CWF19L1: variants seen among roughly 807,000 people sequenced by gnomAD.
The protein encoded by CWF19L1 is CWF19 like cell cycle control factor 1.
Under a neutral mutation model 69.7 loss-of-function variants are expected in CWF19L1, and 60 were observed. That is an observed-to-expected ratio of 0.86 (90% CI 0.70 to 1.07). The LOEUF is 1.07. Ranked by LOEUF, CWF19L1 falls within the 50% of genes least tolerant of loss-of-function variation. The pLI is 0.00. For synonymous variants in CWF19L1, 209 were observed against 222.2 expected, an observed-to-expected ratio of 0.94 and a Z score of 0.53; for missense variants, 591 against 638.9, an observed-to-expected ratio of 0.92 and a Z score of 0.81.
intron 1 of CWF19L1, 98 bp downstream of exon 1, chr10:100,267,473 C>T (rs1022248845): frequency 6.2e-6 from 10 of 1,609,532 alleles, no homozygotes; most frequent in Non-Finnish European, 6.8e-6. Context: ...CCGCCTTTTC[C>T]TTCTCCCTTC....
intron 6 of CWF19L1, among the ~76,000 whole-genome samples, chr10:100,251,920 A>G (rs1338272634): frequency 6.6e-6 from 1 of 152,224 alleles, no homozygotes; most frequent in Non-Finnish European, 1.5e-5. Context: ...GTATATTTTT[A>G]GAGAACAAGA....
intron 2 of CWF19L1, among the ~76,000 whole-genome samples, chr10:100,261,653 A>C (rs1048899452): frequency 2.0e-5 from 3 of 152,210 alleles, no homozygotes; most frequent in African/African-American, 7.2e-5. Context: ...ACCTGACTTA[A>C]TCCTCATCAC....
chr10:100,240,937 G>T (rs1425377411), intron 10 of CWF19L1, among the ~76,000 whole-genome samples: 1 of 148,090 alleles, frequency 6.8e-6, no homozygotes, highest in Non-Finnish European at 1.5e-5. Flanking sequence ...TGGCTCAGTT[G>T]TGTCACCGGC....
intron 11 of CWF19L1, 113 bp downstream of exon 11, chr10:100,237,909 A>G: frequency 9.9e-7 from 1 of 1,011,112 alleles, no homozygotes; most frequent in Non-Finnish European, 1.5e-6. Context: ...TCGGCCTCCC[A>G]AAGTGCTAGG....
At chr10:100,250,151 A>G in intron 7 of CWF19L1, 97 bp downstream of exon 7, 3 of 852,878 alleles carry the variant, frequency 3.5e-6, no homozygotes, top group Admixed American at 1.8e-5. Flanking sequence ...CCTTGCAGTC[A>G]GGGAGAAGAG....
intron 4 of CWF19L1, among the ~76,000 whole-genome samples, chr10:100,256,691 G>A (rs1847224696): frequency 6.6e-6 from 1 of 152,166 alleles, no homozygotes; most frequent in South Asian, 2.1e-4. Context: ...CCTACGTGGA[G>A]GCTGCTGGAG....
rs368706723 is a variant in CWF19L1 at position 100,232,928 on chromosome 10, G to C, written c.*299C>G. ...AAGAAGCCAAGGCAGAGGATCCCTT[G>C]AGCCTAGGCATTACAGACCAGCCTG... On this transcript the variant is annotated 3_prime_UTR_variant, in exon 14 of 14. Coordinates refer to ENST00000354105, the MANE Select transcript of CWF19L1 (RefSeq NM_018294.6). 1 of 185,162 alleles carries C rather than the reference G, an allele frequency of 5.4e-6. No homozygotes were observed. Among genetic ancestry groups the C allele is most frequent in the Non-Finnish European group, 1.1e-5 (1 of 89,602 alleles). 11.5% of individuals were successfully genotyped at this position (185,162 alleles called of 1,614,324 possible).
At chr10:100,234,535 G>A (rs908092008) in intron 13 of CWF19L1, among the ~76,000 whole-genome samples, 11 of 152,130 alleles carry the variant, frequency 7.2e-5, no homozygotes, top group African/African-American at 2.7e-4. Flanking sequence ...TCTGAATCTC[G>A]TAGCACACTT....
chr10:100,236,806 A>G, intron 12 of CWF19L1, 44 bp downstream of exon 12: 1 of 1,538,786 alleles, frequency 6.5e-7, no homozygotes, highest in Non-Finnish European at 8.7e-7. Flanking sequence ...AACAAAAAAA[A>G]CAGATATTTA....
In CWF19L1 at chr10:100,233,239, A is replaced by G. The variant is rs549932691; in HGVS notation, c.1605T>C (p.Thr535=). Residue 535 remains threonine, a synonymous_variant, in exon 14 of 14, where the codon ACT becomes ACC. Transcript: ENST00000354105. The part of the protein sequence containing the change: ...FRKDFEPYDF[T]LDD ...TCTTCCCTTTGTTTTAGTCATCCAG[A>G]GTAAAGTCATAGGGCTCAAAGTCTT... 2 of 1,612,348 alleles carry G rather than the reference A, an allele frequency of 1.2e-6. No homozygotes were observed. The highest frequency in any genetic ancestry group is 2.7e-5 in the African/African-American group (2 of 74,854).
intron 4 of CWF19L1, among the ~76,000 whole-genome samples, chr10:100,259,069 TGC>T (rs1280315270): frequency 6.6e-6 from 1 of 151,456 alleles, no homozygotes; most frequent in Non-Finnish European, 1.5e-5. Flanking sequence ...GGTATGGTAG[TGC>T]GTGCCTGTAA....
intron 10 of CWF19L1, among the ~76,000 whole-genome samples, chr10:100,238,888 C>T (rs910241352): frequency 8.8e-5 from 13 of 148,392 alleles, no homozygotes; most frequent in Admixed American, 1.4e-4. Flanking sequence ...GCCGAGATCG[C>T]GCCACTACAC....
intron 6 of CWF19L1, among the ~76,000 whole-genome samples, chr10:100,251,199 G>A (rs1847017010): frequency 6.6e-6 from 1 of 152,130 alleles, no homozygotes; most frequent in Non-Finnish European, 1.5e-5. Flanking sequence ...ACAAGTTTTT[G>A]TGTGGACATA....
intron 4 of CWF19L1, among the ~76,000 whole-genome samples, chr10:100,256,871 G>A (rs1847229934): frequency 6.6e-6 from 1 of 152,172 alleles, no homozygotes; most frequent in Admixed American, 6.6e-5. Flanking sequence ...ACAGTTCTAA[G>A]GAAGCTACAG....
chr10:100,265,873 G>A (rs1416848843), intron 1 of CWF19L1, among the ~76,000 whole-genome samples: 1 of 152,042 alleles, frequency 6.6e-6, no homozygotes, highest in African/African-American at 2.4e-5. Flanking sequence ...GCTTACCATT[G>A]TGTTACAATT....
intron 4 of CWF19L1, among the ~76,000 whole-genome samples, chr10:100,258,939 A>C (rs1299837820): frequency 6.6e-6 from 1 of 151,382 alleles, no homozygotes; most frequent in Non-Finnish European, 1.5e-5. Context: ...ACAGTGGCTC[A>C]CACCTGTAAT....
chr10:100,245,040 T>G (rs1447952502), intron 9 of CWF19L1, among the ~76,000 whole-genome samples: 1 of 144,556 alleles, frequency 6.9e-6, no homozygotes, highest in Admixed American at 6.9e-5. Context: ...TTTTTTTTTT[T>G]GAGATGGAGT....
At position 100,261,998 on chromosome 10, in the gene CWF19L1, TTCTGAATTGCTTGAAC is replaced by T. The variant is rs747106609; in HGVS notation, c.73_88del (p.Val25ArgfsTer12). 6.2e-7 allele frequency: 1 copy of T among 1,604,618 alleles called. No individual in the cohort carries two copies. The highest frequency in any genetic ancestry group is 2.2e-5 in the East Asian group (1 of 44,688). On this transcript the variant is annotated frameshift_variant, in exon 2 of 14. Coordinates refer to ENST00000354105, the MANE Select transcript of CWF19L1 (RefSeq NM_018294.6). LOFTEE classifies it high-confidence loss of function. ...TCTTACATCAAAGTTTCCACTTTTC[TTCTGAATTGCTTGAAC>T]TCTATTGAATAAAATATCAAACTTT...
chr10:100,250,539 T>A (rs1846991416), intron 6 of CWF19L1, among the ~76,000 whole-genome samples: 1 of 152,160 alleles, frequency 6.6e-6, no homozygotes, highest in Non-Finnish European at 1.5e-5. Context: ...AGAGATGAGA[T>A]TATGTCTTCA....
Sources: allele counts gnomAD v4.1 joint callset (sites outside exome capture counted in the v4.1 genomes callset), GRCh38; gene constraint gnomAD v4.1.1; transcripts MANE v1.5; gene names NCBI Gene and HGNC (gene_info 2026-07-23, HGNC 2026-07-21).